The following MTA3 variants were observed in gnomAD, a reference collection of about 807,000 sequenced individuals.
The protein encoded by MTA3 is metastasis-associated protein MTA3.
MTA3 carries 34 observed loss-of-function variants against 83.5 expected under a neutral mutation model. The ratio of observed to expected loss-of-function variants is 0.41; its 90% CI spans 0.31 to 0.54. The LOEUF (loss-of-function observed/expected upper bound fraction) is 0.54, where lower values mean the gene tolerates loss of function less well. Ranked by LOEUF, MTA3 falls within the 20% of genes least tolerant of loss-of-function variation. The pLI is 0.33. For synonymous variants in MTA3, 303 were observed against 252.7 expected (o/e 1.20, Z -1.89); for missense variants, 761 against 726.4 (o/e 1.05, Z -0.55).
At chr2:42,741,680 T>G (rs191992827) in intron 16 of MTA3, among the ~76,000 whole-genome samples, 252 of 152,232 alleles carry the variant, frequency 1.7e-3, no homozygotes, top group African/African-American at 5.8e-3. Context: ...TTTATTAATT[T>G]TTTTTTTCAG....
At chr2:42,581,121 A>G (rs552008183) in intron 3 of MTA3, among the ~76,000 whole-genome samples, 1 of 152,280 alleles carries the variant, frequency 6.6e-6, no homozygotes, top group African/African-American at 2.4e-5. Context: ...CTGTATAGAA[A>G]GTGTTCATTA....
At chr2:42,530,979 G>A (rs752874030) in intron 2 of MTA3, among the ~76,000 whole-genome samples, 3 of 152,032 alleles carry the variant, frequency 2.0e-5, no homozygotes, top group Non-Finnish European at 4.4e-5. Context: ...ACAGGTGCGC[G>A]ACACCACAGC....
chr2:42,724,443 A>G (rs995003888), intron 16 of MTA3, among the ~76,000 whole-genome samples: 1 of 151,882 alleles, frequency 6.6e-6, no homozygotes, highest in African/African-American at 2.4e-5. Context: ...TGAGCGCAGG[A>G]ATTCGAGACC....
chr2:42,594,728 A>ATATATATATATATATTTTTTT, intron 3 of MTA3, among the ~76,000 whole-genome samples: 15 of 24,024 alleles, frequency 6.2e-4, no homozygotes, highest in African/African-American at 1.1e-3. Context: ...ATATATATAT[A>ATATATATATATATATTTTTTT]TTTTTTTTTT....
At chr2:42,713,889 C>A (rs886983335) in intron 14 of MTA3, among the ~76,000 whole-genome samples, 1 of 152,124 alleles carries the variant, frequency 6.6e-6, no homozygotes, top group Non-Finnish European at 1.5e-5. Flanking sequence ...ATGCAGATAT[C>A]ATTTCATACT....
At chr2:42,682,237 A>G (rs1232511678) in intron 8 of MTA3, among the ~76,000 whole-genome samples, 164 bp from the exon 9 acceptor site, 1 of 152,202 alleles carries the variant, frequency 6.6e-6, no homozygotes, top group African/African-American at 2.4e-5. Flanking sequence ...AAAGCAATAA[A>G]TGATATCTTA....
Position 42,694,444 on chromosome 2 carries a change from A to G in MTA3, c.892-1321A>G, listed in dbSNP as rs1693195609. On this transcript the variant is annotated intron_variant, in intron 9 of 16. Coordinates refer to ENST00000405094, the MANE Select transcript of MTA3 (RefSeq NM_001330442.2). ...AGAAACTCAAGTTCCAACCGATAGG[A>G]TAGGTGATTACCCTCTGGCTAGGTC... Among the ~76,000 whole-genome samples the G allele has an allele frequency of 4.6e-5, 7 of 152,088 alleles. No homozygotes were observed. In the South Asian group the frequency reaches 1.4e-3, roughly 32 times the overall value.
intron 10 of MTA3, 55 bp from the exon 11 acceptor site, chr2:42,697,721 C>T: frequency 8.6e-7 from 1 of 1,157,088 alleles, no homozygotes; most frequent in African/African-American, 1.6e-5. Flanking sequence ...AGACAATGAA[C>T]AGTAGTAATA....
chr2:42,527,478 GA>G (rs1675768681), intron 2 of MTA3, among the ~76,000 whole-genome samples: 1 of 152,020 alleles, frequency 6.6e-6, no homozygotes, highest in Non-Finnish European at 1.5e-5. Context: ...CCTTTTCAGA[GA>G]ACTTTTGTTC....
chr2:42,591,068 T>A (rs1386412982), intron 3 of MTA3, among the ~76,000 whole-genome samples: 2 of 151,718 alleles, frequency 1.3e-5, no homozygotes. Context: ...ATTAGGTGAT[T>A]TTGTCTTTGT....
intron 2 of MTA3, among the ~76,000 whole-genome samples, chr2:42,520,564 C>T (rs1345093052): frequency 6.6e-6 from 1 of 151,976 alleles, no homozygotes; most frequent in Non-Finnish European, 1.5e-5. Context: ...TTGGCTCTCA[C>T]TCATTCTTTT....
intron 4 of MTA3, among the ~76,000 whole-genome samples, chr2:42,635,748 C>G (rs1486709940): frequency 6.6e-6 from 1 of 152,050 alleles, no homozygotes; most frequent in Non-Finnish European, 1.5e-5. Context: ...TAATGTCAAA[C>G]TCTGCATCTA....
chr2:42,690,558 T>C lies in MTA3; in HGVS notation c.892-5207T>C, dbSNP rs529116859. On this transcript the variant is annotated intron_variant, in intron 9 of 16. Coordinates refer to ENST00000405094, the MANE Select transcript of MTA3 (RefSeq NM_001330442.2). ...GCTGTTTTTTTGTTTTCCATTAATTTTGAGTAATTCTTAGCCATTTTCTTT... is the reference window on the plus strand; with the variant it reads ...GCTGTTTTTTTGTTTTCCATTAATTCTGAGTAATTCTTAGCCATTTTCTTT... 9.5e-4 allele frequency among the ~76,000 whole-genome samples: 145 copies of C among 152,062 alleles called. 3 individuals are homozygous for C. In the South Asian group the frequency reaches 0.018, roughly 19 times the overall value.
intron 6 of MTA3, among the ~76,000 whole-genome samples, chr2:42,650,429 G>C (rs911936358): frequency 6.6e-6 from 1 of 151,812 alleles, no homozygotes; most frequent in Non-Finnish European, 1.5e-5. Context: ...GTGTTTGTTT[G>C]GGGTTTTTTT....
chr2:42,531,244 A>G (rs1675950849), intron 2 of MTA3, among the ~76,000 whole-genome samples: 1 of 152,058 alleles, frequency 6.6e-6, no homozygotes, highest in African/African-American at 2.4e-5. Context: ...AACCCCACAT[A>G]AGCTTCTACT....
At chr2:42,661,989 T>C (rs1318772473) in intron 8 of MTA3, among the ~76,000 whole-genome samples, 1 of 152,192 alleles carries the variant, frequency 6.6e-6, no homozygotes, top group African/African-American at 2.4e-5. Flanking sequence ...TCTGTGTTTT[T>C]ATAGTTGTAT....
chr2:42,753,940 G>A lies in MTA3; in HGVS notation c.*541G>A, dbSNP rs549382121. On this transcript the variant is annotated 3_prime_UTR_variant, in exon 17 of 17. Transcript: ENST00000405094. ...CCGTCACTCAGCTTTTTCTCGATAGGCTTCATCCTTGTTTTTTTGAAATGG... is the reference window on the plus strand; with the variant it reads ...CCGTCACTCAGCTTTTTCTCGATAGACTTCATCCTTGTTTTTTTGAAATGG... 1.0e-6 allele frequency: 1 copy of A among 985,950 alleles called. No homozygotes were observed. The highest frequency in any genetic ancestry group is 4.7e-5 in the South Asian group (1 of 21,404). 61.1% of individuals were successfully genotyped at this position (985,950 alleles called of 1,614,324 possible). A position where few individuals can be genotyped will look rare whatever the true frequency, so the allele number is the denominator to read the frequency against.
chr2:42,495,186 T>C (rs909109162), exon 2 of MTA3: 2 of 152,568 alleles, frequency 1.3e-5, no homozygotes, highest in South Asian at 4.1e-4. Flanking sequence ...CCGCTAGAGG[T>C]CGCCAAACGG....
rs1317268917 is a variant in MTA3, at chr2:42,697,693, T to A, written c.967-83T>A. On this transcript the variant is annotated intron_variant, in intron 10 of 16. Transcript: ENST00000405094. ...TTTTTGAATTACACTTTAATACGTATTTTCTTGTGAATTTTTAAGACAATG... is the reference window on the plus strand; with the variant it reads ...TTTTTGAATTACACTTTAATACGTAATTTCTTGTGAATTTTTAAGACAATG... 19 of 969,574 alleles carry A rather than the reference T, an allele frequency of 2.0e-5. No homozygotes were observed. In the East Asian group the frequency reaches 5.3e-4, roughly 27 times the overall value. 60.1% of individuals were successfully genotyped at this position (969,574 alleles called of 1,614,324 possible).
Sources: gnomAD v4.1 joint callset for allele counts (sites outside exome capture counted in the v4.1 genomes callset) on GRCh38, gnomAD v4.1.1 for gene constraint, MANE v1.5 for transcripts, NCBI Gene and HGNC (gene_info 2026-07-23, HGNC 2026-07-21) for gene names.